The following GALNT18 variants were observed in gnomAD, a reference collection of about 807,000 sequenced individuals.
GALNT18 encodes the protein GalNAc-transferase 18.
Under a neutral mutation model 69.5 loss-of-function variants are expected in GALNT18, and 44 were observed. The observed-to-expected ratio is 0.63, with a 90% confidence interval of 0.50 to 0.81. The LOEUF (loss-of-function observed/expected upper bound fraction) is 0.81, where lower values mean the gene tolerates loss of function less well. Among genes scored for constraint, GALNT18 ranks in the 40% least tolerant of loss-of-function variants. The probability of loss-of-function intolerance (pLI) is 0.00; values close to 1 mark genes in which losing one functional copy is unlikely to be tolerated. For synonymous variants in GALNT18, 364 were observed against 318.2 expected (o/e 1.14, Z -1.53); for missense variants, 715 against 810.0 (o/e 0.88, Z 1.42).
intron 3 of GALNT18, among the ~76,000 whole-genome samples, chr11:11,409,307 G>A (rs550872310): frequency 3.3e-5 from 5 of 152,232 alleles, no homozygotes; most frequent in South Asian, 2.1e-4. Context: ...TTCCTAGTGC[G>A]TGAACTCCCT....
intron 5 of GALNT18, among the ~76,000 whole-genome samples, chr11:11,376,008 T>A (rs910017696): frequency 4.6e-5 from 7 of 152,242 alleles, no homozygotes; most frequent in African/African-American, 1.7e-4. Context: ...AACTGTACCC[T>A]AGGCCACCTT....
rs953523114 is a variant in GALNT18, at chr11:11,542,600, A to G, written c.235+78759T>C. Reference sequence around the variant, plus strand: ...GAAGGAACTAGGTGTCAAAAAGAGAATGTAGAGTAAAGAGGTCAAGAACAT... The same window carrying G: ...GAAGGAACTAGGTGTCAAAAAGAGAGTGTAGAGTAAAGAGGTCAAGAACAT... On this transcript the variant is annotated intron_variant, in intron 1 of 10. Transcript: ENST00000227756. This position sits in a 1 kb window ranked among gnomAD's most constrained non-coding sequence, Gnocchi z 4.3. Among the ~76,000 whole-genome samples the G allele has an allele frequency of 2.0e-5, 3 of 152,246 alleles. No homozygotes were observed. Among genetic ancestry groups the G allele is most frequent in the African/African-American group, 7.2e-5 (3 of 41,458 alleles).
At chr11:11,291,912 TATG>T (rs1849307121) in intron 10 of GALNT18, among the ~76,000 whole-genome samples, 1 of 152,136 alleles carries the variant, frequency 6.6e-6, no homozygotes, top group African/African-American at 2.4e-5. Flanking sequence ...GCCCATACAA[TATG>T]ATGTAGCTGG....
In GALNT18 at chr11:11,315,633, G is replaced by A. The variant is rs928542192; in HGVS notation, c.1512+11453C>T. 7.2e-5 allele frequency among the ~76,000 whole-genome samples: 11 copies of A among 152,156 alleles called. No individual in the cohort carries two copies. Among genetic ancestry groups the A allele is most frequent in the Admixed American group, 1.3e-4 (2 of 15,280 alleles). ...CCATCACCATCACATGTGGGGCACCGGGTCAGGCATCATGGCATACAGGCC... is the reference window on the plus strand; with the variant it reads ...CCATCACCATCACATGTGGGGCACCAGGTCAGGCATCATGGCATACAGGCC... On this transcript the variant is annotated intron_variant, in intron 9 of 10. Coordinates refer to ENST00000227756, the MANE Select transcript of GALNT18 (RefSeq NM_198516.3). This position sits in a 1 kb window ranked among gnomAD's most constrained non-coding sequence, Gnocchi z 5.6.
chr11:11,530,373 C>T (rs1857619922), intron 1 of GALNT18, among the ~76,000 whole-genome samples: 1 of 152,210 alleles, frequency 6.6e-6, no homozygotes, highest in African/African-American at 2.4e-5. Flanking sequence ...CAGGAGACAC[C>T]TTCAAGCTGT....
chr11:11,557,643 C>A (rs899906870), intron 1 of GALNT18, among the ~76,000 whole-genome samples: 3 of 152,200 alleles, frequency 2.0e-5, no homozygotes, highest in Non-Finnish European at 4.4e-5. Flanking sequence ...ACGCTGAGCA[C>A]TCGGTAACTG....
chr11:11,343,793 C>G (rs1446562001), intron 6 of GALNT18, among the ~76,000 whole-genome samples: 1 of 152,180 alleles, frequency 6.6e-6, no homozygotes, highest in African/African-American at 2.4e-5. Flanking sequence ...ATTACAAGAC[C>G]TGCTTCTTAA....
chr11:11,341,576 A>T lies in GALNT18; in HGVS notation c.1093-572T>A, dbSNP rs1451039595. 6.6e-6 allele frequency among the ~76,000 whole-genome samples: 1 copy of T among 152,114 alleles called. No homozygotes were observed. Among genetic ancestry groups the T allele is most frequent in the Non-Finnish European group, 1.5e-5 (1 of 68,014 alleles). ...GCTGCAAAGAAGGAAATGATATTAA[A>T]CTTCTTAGCAACCTTGGTGAATAGG... On this transcript the variant is annotated intron_variant, in intron 6 of 10. Coordinates refer to ENST00000227756, the MANE Select transcript of GALNT18 (RefSeq NM_198516.3). The surrounding 1 kb of genome is among the most constrained non-coding windows in gnomAD (Gnocchi z 6.3).
chr11:11,488,692 A>G (rs1443802392), intron 1 of GALNT18, among the ~76,000 whole-genome samples: 1 of 152,190 alleles, frequency 6.6e-6, no homozygotes, highest in Non-Finnish European at 1.5e-5. Flanking sequence ...GCAGCAAAGT[A>G]CATGGGGGAG....
At chr11:11,333,373 C>T (rs941904949) in intron 7 of GALNT18, among the ~76,000 whole-genome samples, 12 of 152,062 alleles carry the variant, frequency 7.9e-5, no homozygotes, top group Non-Finnish European at 1.6e-4. Context: ...TCTATTTATA[C>T]GTATGTATTT....
At position 11,340,890 on chromosome 11, in the gene GALNT18, G is replaced by C. The variant is rs779358894; in HGVS notation, c.1207C>G (p.Leu403Val). The change falls in exon 7 of 11, where the codon CTC (leucine) becomes GTC (valine). Residue 403 changes from leucine (L) to valine (V), a missense_variant. Transcript: ENST00000227756. The surrounding 1 kb of genome is among the most constrained non-coding windows in gnomAD (Gnocchi z 4.2). ...TCCATCCAGACTTCAGCCACCCTGA[G>C]AGCGTTCCTGCGGACATGGGCGGTG... is the stretch of plus-strand genomic sequence containing the variant. ...DLTAHVRRNA[L>V]RVAEVWMDEF... 3 of 1,614,060 alleles carry C rather than the reference G, an allele frequency of 1.9e-6. No homozygotes were observed. The highest frequency in any genetic ancestry group is 2.5e-6 in the Non-Finnish European group (3 of 1,179,964).
chr11:11,560,150 ATGATGGGATGTATG>A (rs1858463074), intron 1 of GALNT18, among the ~76,000 whole-genome samples: 1 of 17,700 alleles, frequency 5.6e-5, no homozygotes, highest in African/African-American at 2.4e-4. Context: ...AGAATGGGAT[ATGATGGGATGTATG>A]GGATGGGATA....
chr11:11,281,704 C>G (rs1410479948), intron 10 of GALNT18, among the ~76,000 whole-genome samples: 1 of 151,580 alleles, frequency 6.6e-6, no homozygotes. Context: ...TGATGTTTCC[C>G]AAGCCCAGCC....
At chr11:11,548,788 T>G (rs1858125073) in intron 1 of GALNT18, among the ~76,000 whole-genome samples, 1 of 152,264 alleles carries the variant, frequency 6.6e-6, no homozygotes, top group Non-Finnish European at 1.5e-5. Context: ...GTAAATTCAA[T>G]TAACAGATCT....
rs1047811770 is a variant in GALNT18 at position 11,555,246 on chromosome 11, C to T, written c.235+66113G>A. On this transcript the variant is annotated intron_variant, in intron 1 of 10. Transcript: ENST00000227756. The surrounding 1 kb of genome is among the most constrained non-coding windows in gnomAD (Gnocchi z 4.7). ...TCATGCCAGCCAAGCTGCCAAGGAC[C>T]CAGCCCCTCTCTGACAGCCAACAGG... Among the ~76,000 whole-genome samples, 1 of 152,298 alleles carries T rather than the reference C, an allele frequency of 6.6e-6. No individual in the cohort carries two copies. The highest frequency in any genetic ancestry group is 1.5e-5 in the Non-Finnish European group (1 of 68,016).
At chr11:11,388,256 C>A (rs1854099617) in intron 3 of GALNT18, among the ~76,000 whole-genome samples, 2 of 152,152 alleles carry the variant, frequency 1.3e-5, no homozygotes, top group African/African-American at 2.4e-5. Flanking sequence ...GGAATATGCA[C>A]CCCATACTTA....
chr11:11,492,409 T>A (rs1477448486), intron 1 of GALNT18, among the ~76,000 whole-genome samples: 2 of 152,206 alleles, frequency 1.3e-5, no homozygotes, highest in South Asian at 2.1e-4. Flanking sequence ...AGGGAAGAAC[T>A]GGCTCAAGCC....
At chr11:11,330,683 C>T (rs1032084734) in intron 8 of GALNT18, among the ~76,000 whole-genome samples, 1 of 152,218 alleles carries the variant, frequency 6.6e-6, no homozygotes, top group East Asian at 1.9e-4. Flanking sequence ...AGATCACAAC[C>T]CTGTATTTGC....
chr11:11,389,354 A>G lies in GALNT18; in HGVS notation c.596-10090T>C, dbSNP rs1466938275. ...TTGTCCACCTTGAGTAATTTAGCAAATGGGAATGAGAATAATGAACTAATA... is the reference window on the plus strand; with the variant it reads ...TTGTCCACCTTGAGTAATTTAGCAAGTGGGAATGAGAATAATGAACTAATA... On this transcript the variant is annotated intron_variant, in intron 3 of 10. Transcript: ENST00000227756. The surrounding 1 kb of genome is among the most constrained non-coding windows in gnomAD (Gnocchi z 4.3). Among the ~76,000 whole-genome samples the G allele has an allele frequency of 6.6e-6, 1 of 152,196 alleles. No individual in the cohort carries two copies. The highest frequency in any genetic ancestry group is 1.5e-5 in the Non-Finnish European group (1 of 68,042).
Sources: allele counts gnomAD v4.1 joint callset (sites outside exome capture counted in the v4.1 genomes callset), GRCh38; gene constraint gnomAD v4.1.1; non-coding constraint Gnocchi (gnomAD v3.1); transcripts MANE v1.5; gene names NCBI Gene and HGNC (gene_info 2026-07-23, HGNC 2026-07-21).